The following ANXA9 variants were observed in gnomAD, a reference collection of about 807,000 sequenced individuals.
ANXA9 encodes the protein annexin 31.
A neutral mutation model predicts 51.8 loss-of-function variants in ANXA9; 47 were observed. The observed-to-expected ratio is 0.91, with a 90% confidence interval of 0.72 to 1.16. The LOEUF (loss-of-function observed/expected upper bound fraction) is 1.16. Ranked by LOEUF, ANXA9 falls within the 50% of genes most tolerant of loss-of-function variation. ANXA9 has a pLI of 0.00. For synonymous variants in ANXA9, 154 were observed against 168.7 expected (o/e 0.91, Z 0.68); for missense variants, 361 against 424.7 (o/e 0.85, Z 1.32).
intron 12 of ANXA9, among the ~76,000 whole-genome samples, chr1:150,989,417 G>C (rs913801666): frequency 1.3e-5 from 2 of 151,938 alleles, no homozygotes; most frequent in South Asian, 2.1e-4. Context: ...CAGGAAGGGC[G>C]CAGTGGCTCA....
At chr1:150,986,457 A>G (rs2102793731) in intron 8 of ANXA9, 42 bp downstream of exon 8, 1 of 1,602,826 alleles carries the variant, frequency 6.2e-7, no homozygotes, top group Non-Finnish European at 8.5e-7. Context: ...CACGTTCACC[A>G]GGCAAGGAGA....
chr1:150,988,885 C>T (rs1009246350), intron 12 of ANXA9, among the ~76,000 whole-genome samples: 8 of 152,222 alleles, frequency 5.3e-5, no homozygotes. Context: ...AAGATATTGA[C>T]CATCCTTGTC....
chr1:150,990,731 T>C (rs1671676299), intron 12 of ANXA9, among the ~76,000 whole-genome samples: 2 of 152,058 alleles, frequency 1.3e-5, no homozygotes, highest in Admixed American at 6.5e-5. Flanking sequence ...GCCTGTAATC[T>C]CAGCTACTTG....
chr1:150,993,720 C>T (rs1173480286), intron 12 of ANXA9, among the ~76,000 whole-genome samples: 5 of 150,758 alleles, frequency 3.3e-5, no homozygotes, highest in Non-Finnish European at 7.4e-5. Context: ...CTGCAACCTC[C>T]GCCTCCTGGG....
chr1:150,980,100 T>C (rs1169439490), upstream of ANXA9, among the ~76,000 whole-genome samples: 1 of 152,050 alleles, frequency 6.6e-6, no homozygotes, highest in Non-Finnish European at 1.5e-5. Context: ...TAATTTCAGA[T>C]AAACAAAAAA....
chr1:150,987,360 G>GCT (rs747093235), intron 9 of ANXA9, among the ~76,000 whole-genome samples: 39 of 126,662 alleles, frequency 3.1e-4, no homozygotes, highest in Admixed American at 5.9e-4. Context: ...CATCTCTCTC[G>GCT]CTCTCTCTCT....
chr1:150,987,744 A>T, intron 9 of ANXA9, 128 bp from the exon 10 acceptor site: 1 of 750,890 alleles, frequency 1.3e-6, no homozygotes, highest in Non-Finnish European at 2.2e-6. Context: ...AAAAAAAAAA[A>T]TCCTTTTCCA....
At chr1:150,979,888 C>G (rs973036464), upstream of ANXA9, among the ~76,000 whole-genome samples, 1 of 152,212 alleles carries the variant, frequency 6.6e-6, no homozygotes, top group African/African-American at 2.4e-5. Flanking sequence ...TTAATTCTCA[C>G]AACAACCTAT....
upstream of ANXA9, among the ~76,000 whole-genome samples, chr1:150,978,868 G>A (rs1447964104): frequency 6.6e-6 from 1 of 152,036 alleles, no homozygotes; most frequent in Non-Finnish European, 1.5e-5. Context: ...GGAGGTTGAG[G>A]CAGGAGAATT....
chr1:150,983,733 C>T (rs1200000440), intron 4 of ANXA9, among the ~76,000 whole-genome samples: 4 of 152,164 alleles, frequency 2.6e-5, no homozygotes, highest in Admixed American at 1.3e-4. Context: ...GCCGATCCCC[C>T]CAAGTCGTAT....
intron 12 of ANXA9, among the ~76,000 whole-genome samples, chr1:150,992,407 G>A (rs1392173383): frequency 6.6e-6 from 1 of 152,172 alleles, no homozygotes; most frequent in African/African-American, 2.4e-5. Context: ...AAATTAGCTA[G>A]GTGTGGTGGT....
chr1:150,991,752 C>A (rs587648963), intron 12 of ANXA9, among the ~76,000 whole-genome samples: 1 of 147,810 alleles, frequency 6.8e-6, no homozygotes, highest in African/African-American at 2.5e-5. Context: ...ACGTTGGCCA[C>A]GCTGGTGGCA....
chr1:150,983,086 C>G lies in ANXA9; in HGVS notation c.-16-4C>G. 1 of 1,612,146 alleles carries G rather than the reference C, an allele frequency of 6.2e-7. No individual in the cohort carries two copies. Among genetic ancestry groups the G allele is most frequent in the Non-Finnish European group, 8.5e-7 (1 of 1,178,924 alleles). Reference sequence around the variant, plus strand: ...GCTCTGTGGGCTCCTGTTTCCTTCCCCAGGGCAACCAGTAGCACCATGTCT... The same window carrying G: ...GCTCTGTGGGCTCCTGTTTCCTTCCGCAGGGCAACCAGTAGCACCATGTCT... On this transcript the variant is annotated splice_region_variant and splice_polypyrimidine_tract_variant and intron_variant, in intron 2 of 13. Transcript: ENST00000368947.
chr1:150,986,527 C>T (rs1269192469), intron 8 of ANXA9, 75 bp from the exon 9 acceptor site: 1 of 1,580,980 alleles, frequency 6.3e-7, no homozygotes, highest in Non-Finnish European at 8.7e-7. Flanking sequence ...TTAGGGGAGA[C>T]CAGCCTTCGC....
intron 2 of ANXA9, among the ~76,000 whole-genome samples, 183 bp downstream of exon 2, chr1:150,982,766 G>A (rs1671441837): frequency 6.6e-6 from 1 of 152,172 alleles, no homozygotes; most frequent in Non-Finnish European, 1.5e-5. Flanking sequence ...ACCTCAGAAG[G>A]GAGGCATCTA....
At chr1:150,994,440 GATA>G (rs1671782299) in intron 12 of ANXA9, 134 bp from the exon 13 acceptor site, 8 of 1,342,548 alleles carry the variant, frequency 6.0e-6, no homozygotes, top group Non-Finnish European at 8.1e-6. Context: ...TTTGTCCCGA[GATA>G]ATGTATAATG....
intron 12 of ANXA9, among the ~76,000 whole-genome samples, chr1:150,990,707 G>C (rs973971096): frequency 6.6e-6 from 1 of 152,120 alleles, no homozygotes; most frequent in African/African-American, 2.4e-5. Context: ...ATTAGCCAGG[G>C]GGTAGTGGTG....
chr1:150,979,224 T>C (rs587664118), upstream of ANXA9, among the ~76,000 whole-genome samples: 28 of 151,554 alleles, frequency 1.8e-4, no homozygotes, highest in African/African-American at 6.5e-4. Context: ...TGAGACTCTG[T>C]TGGACTTCTC....
upstream of ANXA9, among the ~76,000 whole-genome samples, chr1:150,977,922 G>A (rs981570264): frequency 1.3e-5 from 2 of 152,120 alleles, no homozygotes; most frequent in African/African-American, 2.4e-5. Context: ...GATCACCTGC[G>A]GTCAGGAGTT....
Sources: gnomAD v4.1 joint callset for allele counts (sites outside exome capture counted in the v4.1 genomes callset) on GRCh38, gnomAD v4.1.1 for gene constraint, MANE v1.5 for transcripts, NCBI Gene and HGNC (gene_info 2026-07-23, HGNC 2026-07-21) for gene names.